Variants in DPP10 observed in about 807,000 individuals in gnomAD.
DPP10 encodes the protein inactive dipeptidyl peptidase 10.
DPP10 carries 33 observed loss-of-function variants against 120.9 expected under a neutral mutation model. That is an observed-to-expected ratio of 0.27 (90% CI 0.21 to 0.37). DPP10 has a LOEUF of 0.37. DPP10 is among the 10% of genes least tolerant of loss of function. The pLI is 1.00. For synonymous variants in DPP10, 337 were observed against 326.1 expected (o/e 1.03, Z -0.36); for missense variants, 816 against 942.8 (o/e 0.87, Z 1.76).
intron 1 of DPP10, among the ~76,000 whole-genome samples, chr2:114,775,292 C>T (rs1681627164): frequency 1.3e-5 from 2 of 152,140 alleles, no homozygotes; most frequent in South Asian, 2.1e-4. Flanking sequence ...GGAGAATCTA[C>T]CTCCAGAGTG....
chr2:115,348,519 T>C (rs2063826071), intron 3 of DPP10, among the ~76,000 whole-genome samples: 1 of 152,092 alleles, frequency 6.6e-6, no homozygotes, highest in African/African-American at 2.4e-5. Context: ...TTATTTTAGA[T>C]TTAGGGAGTG....
At chr2:114,659,656 G>A (rs1336352282) in intron 1 of DPP10, among the ~76,000 whole-genome samples, 1 of 152,116 alleles carries the variant, frequency 6.6e-6, no homozygotes, top group Admixed American at 6.6e-5. Context: ...GTGTTGAATT[G>A]TGTCCTCTAG....
intron 1 of DPP10, among the ~76,000 whole-genome samples, chr2:115,079,656 G>C (rs1004765125): frequency 6.6e-5 from 10 of 152,154 alleles, no homozygotes; most frequent in African/African-American, 2.4e-4. Context: ...AGCAGCTGGT[G>C]CACTGCACTC....
At chr2:115,562,565 C>G (rs184627812) in intron 5 of DPP10, among the ~76,000 whole-genome samples, 60 of 152,272 alleles carry the variant, frequency 3.9e-4, no homozygotes, top group Admixed American at 2.0e-3. Context: ...ATCATCTCCT[C>G]CTATTATAAT....
chr2:115,249,039 A>T (rs2058648211), intron 1 of DPP10, among the ~76,000 whole-genome samples: 1 of 152,144 alleles, frequency 6.6e-6, no homozygotes, highest in African/African-American at 2.4e-5. Context: ...AGAATTGAGC[A>T]ATGATTTTTG....
chr2:115,543,607 A>G (rs1234607560), intron 5 of DPP10, among the ~76,000 whole-genome samples: 1 of 151,938 alleles, frequency 6.6e-6, no homozygotes, highest in Non-Finnish European at 1.5e-5. Flanking sequence ...CACCGCATAT[A>G]AACTCTTTAA....
intron 1 of DPP10, among the ~76,000 whole-genome samples, chr2:115,182,150 AG>A (rs2054124112): frequency 6.6e-6 from 1 of 152,228 alleles, no homozygotes; most frequent in African/African-American, 2.4e-5. Context: ...TGGTTGAAAA[AG>A]ATGGTATATT....
At chr2:114,450,574 T>C (rs1678206752) in intron 1 of DPP10, among the ~76,000 whole-genome samples, 1 of 152,146 alleles carries the variant, frequency 6.6e-6, no homozygotes, top group Non-Finnish European at 1.5e-5. Flanking sequence ...GTTTGACTTT[T>C]GAGTTCAGAA....
chr2:115,581,835 A>G (rs530155497), intron 5 of DPP10, among the ~76,000 whole-genome samples: 111 of 152,204 alleles, frequency 7.3e-4, no homozygotes, highest in African/African-American at 2.6e-3. Context: ...AAGTCCCATC[A>G]TTGTGTTCAC....
intron 2 of DPP10, among the ~76,000 whole-genome samples, chr2:115,324,073 C>T (rs1023476131): frequency 1.3e-5 from 2 of 152,008 alleles, no homozygotes; most frequent in African/African-American, 4.8e-5. Context: ...CTAGATAGAT[C>T]AAGACCATGC....
chr2:115,350,617 G>A (rs1256778742), intron 3 of DPP10, among the ~76,000 whole-genome samples: 1 of 152,132 alleles, frequency 6.6e-6, no homozygotes, highest in African/African-American at 2.4e-5. Context: ...ACAGAGAGGA[G>A]CGTGAGGTTA....
chr2:114,884,529 C>G (rs2106615256), intron 1 of DPP10, among the ~76,000 whole-genome samples: 1 of 152,298 alleles, frequency 6.6e-6, no homozygotes, highest in Middle Eastern at 3.4e-3. Context: ...CAATCTGACT[C>G]TTACTCCTCT....
chr2:114,814,602 G>T (rs1347630111), intron 1 of DPP10, among the ~76,000 whole-genome samples: 1 of 152,098 alleles, frequency 6.6e-6, no homozygotes, highest in Admixed American at 6.6e-5. Flanking sequence ...TGTGGTTAGT[G>T]GCTACCGTAG....
chr2:114,743,043 T>A (rs1678218711), intron 1 of DPP10, among the ~76,000 whole-genome samples: 1 of 152,218 alleles, frequency 6.6e-6, no homozygotes, highest in Non-Finnish European at 1.5e-5. Context: ...TAATTCCAAA[T>A]CCATCACTAT....
At chr2:114,454,406 T>C (rs983518749) in intron 1 of DPP10, among the ~76,000 whole-genome samples, 1 of 152,164 alleles carries the variant, frequency 6.6e-6, no homozygotes, top group African/African-American at 2.4e-5. Context: ...ACTTGCCCAA[T>C]GTCACCCAGA....
chr2:115,264,046 TACTC>T (rs1469914445), intron 1 of DPP10, among the ~76,000 whole-genome samples: 3 of 152,130 alleles, frequency 2.0e-5, no homozygotes, highest in African/African-American at 4.8e-5. Context: ...CCATAGTAAA[TACTC>T]AATAGAATTA....
At chr2:114,830,509 C>T (rs1054716248) in intron 1 of DPP10, among the ~76,000 whole-genome samples, 1 of 152,158 alleles carries the variant, frequency 6.6e-6, no homozygotes, top group African/African-American at 2.4e-5. Flanking sequence ...TTAACTTCGC[C>T]TTTCTATTTA....
chr2:114,957,296 CATATATATTTTGTA>C (rs1400251006), intron 1 of DPP10, among the ~76,000 whole-genome samples: 10 of 151,740 alleles, frequency 6.6e-5, no homozygotes, highest in Non-Finnish European at 1.3e-4. Flanking sequence ...CAAGAGAAGA[CATATATATTTTGTA>C]ATATATATTT....
At chr2:115,486,367 A>G (rs2075779526) in intron 3 of DPP10, among the ~76,000 whole-genome samples, 1 of 152,188 alleles carries the variant, frequency 6.6e-6, no homozygotes, top group Non-Finnish European at 1.5e-5. Context: ...TTGGAGATTA[A>G]ACATGTTTGT....
Sources: gnomAD v4.1 joint callset for allele counts (sites outside exome capture counted in the v4.1 genomes callset) on GRCh38, gnomAD v4.1.1 for gene constraint, MANE v1.5 for transcripts, NCBI Gene and HGNC (gene_info 2026-07-23, HGNC 2026-07-21) for gene names.